The following ZC4H2 variants were observed in gnomAD, a reference collection of about 807,000 sequenced individuals.
ZC4H2 encodes the protein zinc finger C4H2 domain-containing protein.
For synonymous variants in ZC4H2, 84 were observed against 66.3 expected (o/e 1.27, Z -1.30); for missense variants, 137 against 173.9 (o/e 0.79, Z 1.19).
intron 1 of ZC4H2, among the ~76,000 whole-genome samples, chrX:65,028,937 C>T (rs1330375645): frequency 4.5e-5 from 5 of 111,149 alleles, no homozygotes; most frequent in African/African-American, 1.6e-4. Context: ...GGGTGGCATC[C>T]AAGTCAGGAT....
At chrX:64,929,493 T>C (rs886179421) in intron 1 of ZC4H2, among the ~76,000 whole-genome samples, 2 of 111,886 alleles carry the variant, frequency 1.8e-5, no homozygotes, top group Non-Finnish European at 3.8e-5. Context: ...ATTTTTATAG[T>C]TTCAGTTCTT....
At chrX:64,985,225 T>G (rs998514746) in intron 1 of ZC4H2, among the ~76,000 whole-genome samples, 2 of 111,956 alleles carry the variant, frequency 1.8e-5, no homozygotes, top group Non-Finnish European at 3.8e-5. Context: ...ATAGTGGGAT[T>G]GCTGGGTTGA....
chrX:64,945,941 G>A (rs975919935), intron 1 of ZC4H2, among the ~76,000 whole-genome samples: 10 of 110,875 alleles, frequency 9.0e-5, no homozygotes, highest in East Asian at 2.9e-4. Flanking sequence ...CACCAAGCTC[G>A]AGCATCCCAG....
intron 1 of ZC4H2, among the ~76,000 whole-genome samples, chrX:65,007,856 T>G (rs1002390794): frequency 3.6e-5 from 4 of 111,480 alleles, no homozygotes; most frequent in Non-Finnish European, 7.5e-5. Context: ...ACTATGAAAG[T>G]ATTAGAAGAA....
chrX:64,994,496 C>A (rs1437204517), intron 1 of ZC4H2, among the ~76,000 whole-genome samples: 1 of 112,139 alleles, frequency 8.9e-6, no homozygotes, highest in Non-Finnish European at 1.9e-5. Context: ...AAAAGTTTTG[C>A]TTTACATTAT....
Position 64,917,569 on chromosome X carries a change from C to A in ZC4H2, c.*214G>T, listed in dbSNP as rs1190906161. 2.0e-5 allele frequency: 9 copies of A among 448,076 alleles called. No individual in the cohort carries two copies. The highest frequency in any genetic ancestry group is 3.2e-5 in the Non-Finnish European group (9 of 278,547). The allele number at this position is 448,076 out of a possible 1,213,427, so 36.9% of individuals were successfully genotyped here. ...GAGTGGGAGAGAAGGGATCATCAGA[C>A]ACACTGTTTAGCACCTGAACCACAT... On this transcript the variant is annotated 3_prime_UTR_variant, in exon 5 of 5. Coordinates refer to ENST00000374839, the MANE Select transcript of ZC4H2 (RefSeq NM_018684.4).
At position 64,916,373 on chromosome X, in the gene ZC4H2, C is replaced by A. The variant is rs1469892578; in HGVS notation, c.*1410G>T. On this transcript the variant is annotated 3_prime_UTR_variant, in exon 5 of 5. Transcript: ENST00000374839. ...TGAATAAGAGCAAACAAGAGCTACC[C>A]AGAAAGGTAAATGACATTACATCTT... The A allele has an allele frequency of 2.7e-5, 3 of 111,548 alleles. No individual in the cohort carries two copies. The highest frequency in any genetic ancestry group is 5.6e-5 in the Non-Finnish European group (3 of 53,129). The allele number at this position is 111,548 out of a possible 1,213,427, so 9.2% of individuals were successfully genotyped here. A position where few individuals can be genotyped will look rare whatever the true frequency, so the allele number is the denominator to read the frequency against.
At chrX:64,982,173 T>G (rs1264843968) in intron 1 of ZC4H2, among the ~76,000 whole-genome samples, 1 of 111,814 alleles carries the variant, frequency 8.9e-6, no homozygotes, top group Non-Finnish European at 1.9e-5. Context: ...CACCCTCCCC[T>G]CTTCTTCAAT....
intron 1 of ZC4H2, among the ~76,000 whole-genome samples, chrX:64,967,454 C>T (rs891104418): frequency 8.9e-6 from 1 of 111,947 alleles, no homozygotes; most frequent in Non-Finnish European, 1.9e-5. Flanking sequence ...TGCGCTGGTT[C>T]TTGTGGATGA....
chrX:64,960,025 T>C (rs1313315927), intron 1 of ZC4H2, among the ~76,000 whole-genome samples: 3 of 111,004 alleles, frequency 2.7e-5, no homozygotes, highest in South Asian at 3.8e-4. Flanking sequence ...GACAAAATTA[T>C]ATGAAAAAAT....
chrX:64,979,230 A>T (rs1932038274), upstream of ZC4H2, among the ~76,000 whole-genome samples: 1 of 111,655 alleles, frequency 9.0e-6, no homozygotes, highest in African/African-American at 3.3e-5. Context: ...GGCCTGTATC[A>T]AGCTGCTGCT....
intron 4 of ZC4H2, 149 bp downstream of exon 4, chrX:64,918,893 C>A: frequency 1.5e-6 from 1 of 686,229 alleles, no homozygotes; most frequent in East Asian, 3.8e-5. Context: ...ACACAGCACA[C>A]CCATGTCACC....
intron 4 of ZC4H2, 81 bp from the exon 5 acceptor site, chrX:64,917,977 C>G: frequency 4.7e-6 from 5 of 1,074,754 alleles, no homozygotes; most frequent in Non-Finnish European, 6.2e-6. Flanking sequence ...CCCCAGGGGC[C>G]CAGAAAGCAA....
chrX:64,930,963 G>C (rs1244830564), intron 1 of ZC4H2, among the ~76,000 whole-genome samples: 4 of 112,036 alleles, frequency 3.6e-5, no homozygotes, highest in Admixed American at 1.9e-4. Context: ...ATGTCTGATA[G>C]AATTCAGCTG....
chrX:64,944,037 A>G (rs1367420713), intron 1 of ZC4H2, among the ~76,000 whole-genome samples: 1 of 109,921 alleles, frequency 9.1e-6, no homozygotes, highest in Non-Finnish European at 1.9e-5. Context: ...TGGTGACAAA[A>G]TCCCTCAGCA....
chrX:64,942,789 A>T (rs1391376846), intron 1 of ZC4H2, among the ~76,000 whole-genome samples: 2 of 112,054 alleles, frequency 1.8e-5, no homozygotes, highest in African/African-American at 6.5e-5. Flanking sequence ...TGCAATAAGC[A>T]AACATGTGCA....
At chrX:65,011,786 G>A in intron 1 of ZC4H2, among the ~76,000 whole-genome samples, 1 of 109,110 alleles carries the variant, frequency 9.2e-6, no homozygotes, top group Middle Eastern at 4.7e-3. Flanking sequence ...TGCAATCTTG[G>A]CTCACTGCAA....
At chrX:64,924,001 T>C in intron 1 of ZC4H2, among the ~76,000 whole-genome samples, 1 of 112,218 alleles carries the variant, frequency 8.9e-6, no homozygotes, top group African/African-American at 3.2e-5. Flanking sequence ...TATTTGCTTA[T>C]ATCCCCATCT....
intron 1 of ZC4H2, among the ~76,000 whole-genome samples, chrX:65,003,111 C>A (rs1386422607): frequency 8.6e-5 from 8 of 92,687 alleles, no homozygotes; most frequent in African/African-American, 3.3e-4. Context: ...TAAAAAAATT[C>A]ATTGTCTGAA....
Sources: allele counts gnomAD v4.1 joint callset (sites outside exome capture counted in the v4.1 genomes callset), GRCh38; gene constraint gnomAD v4.1.1; transcripts MANE v1.5; gene names NCBI Gene and HGNC (gene_info 2026-07-23, HGNC 2026-07-21).